Variants in MTMR7 observed in about 807,000 individuals in gnomAD.
The protein encoded by MTMR7 is phosphatidylinositol-3-phosphate phosphatase MTMR7.
A neutral mutation model predicts 81.2 loss-of-function variants in MTMR7; 76 were observed. That is an observed-to-expected ratio of 0.94 (90% confidence interval 0.78 to 1.13). The LOEUF is 1.13. Among genes scored for constraint, MTMR7 ranks in the 50% most tolerant of loss-of-function variants. MTMR7 has a pLI of 0.00. For missense variants in MTMR7, 1,044 were observed against 820.0 expected (o/e 1.27, Z -3.34); for synonymous variants, 372 against 289.8 (o/e 1.28, Z -2.88).
chr8:17,405,891 T>G lies in MTMR7; in HGVS notation c.24+7378A>C, dbSNP rs1821568441. Among the ~76,000 whole-genome samples the G allele has an allele frequency of 2.0e-5, 3 of 147,886 alleles. No homozygotes were observed. In the South Asian group the frequency reaches 6.6e-4, roughly 32 times the overall value. On this transcript the variant is annotated intron_variant, in intron 1 of 13. Transcript: ENST00000180173. ...ACACACACACACACCACAGAGAAAA[T>G]GGACATGATTTTCTTTTAAATTACA...
rs1224192640 is a variant in MTMR7, at chr8:17,297,026, G to A, written c.*2836C>T. 2.0e-5 allele frequency: 3 copies of A among 152,138 alleles called. No homozygotes were observed. Among genetic ancestry groups the A allele is most frequent in the African/African-American group, 7.2e-5 (3 of 41,438 alleles). The allele number at this position is 152,138 out of a possible 1,614,324, so 9.4% of individuals were successfully genotyped here. On this transcript the variant is annotated 3_prime_UTR_variant, in exon 14 of 14. Coordinates refer to ENST00000180173, the MANE Select transcript of MTMR7 (RefSeq NM_004686.5). Reference sequence around the variant, plus strand: ...GAATGTGGGTTCTGTTTTTGCAACAGAGATTAAGTGACCATTTTTTCTAAT... The same window carrying A: ...GAATGTGGGTTCTGTTTTTGCAACAAAGATTAAGTGACCATTTTTTCTAAT...
intron 6 of MTMR7, among the ~76,000 whole-genome samples, chr8:17,337,725 C>T (rs1181976334): frequency 6.6e-6 from 1 of 152,198 alleles, no homozygotes; most frequent in Non-Finnish European, 1.5e-5. Context: ...AAGCAATCCT[C>T]CCACCTCAGC....
Position 17,387,303 on chromosome 8 carries a change from C to A in MTMR7, c.25-14063G>T, listed in dbSNP as rs556186045. Among the ~76,000 whole-genome samples the A allele has an allele frequency of 5.3e-5, 8 of 152,330 alleles. No individual in the cohort carries two copies. The South Asian group carries it at 1.7e-3, about 32-fold the overall frequency. Reference sequence around the variant, plus strand: ...ATATCATCATACTTCAAACTCTGGACAGAGCCAGTTTCAGCCAGGTTACGT... The same window carrying A: ...ATATCATCATACTTCAAACTCTGGAAAGAGCCAGTTTCAGCCAGGTTACGT... On this transcript the variant is annotated intron_variant, in intron 1 of 13. Transcript: ENST00000180173.
At chr8:17,359,139 C>A (rs1007617466) in intron 4 of MTMR7, among the ~76,000 whole-genome samples, 6 of 152,060 alleles carry the variant, frequency 3.9e-5, no homozygotes, top group Non-Finnish European at 5.9e-5. Context: ...CTCAAGCAGT[C>A]CCCTCGCCAT....
chr8:17,401,156 T>C (rs1048020572), intron 1 of MTMR7, among the ~76,000 whole-genome samples: 1 of 152,096 alleles, frequency 6.6e-6, no homozygotes. Context: ...AAAAATGCTA[T>C]GGAGAAAAAT....
intron 5 of MTMR7, among the ~76,000 whole-genome samples, chr8:17,343,593 T>G (rs764070333): frequency 2.6e-5 from 4 of 152,086 alleles, no homozygotes; most frequent in Non-Finnish European, 5.9e-5. Flanking sequence ...ATGAAGCAAT[T>G]TAGGGACAAC....
Position 17,312,312 on chromosome 8 carries a change from C to T in MTMR7, c.976-676G>A, listed in dbSNP as rs566382463. 7.9e-5 allele frequency among the ~76,000 whole-genome samples: 12 copies of T among 152,216 alleles called. No individual in the cohort carries two copies. The South Asian group carries it at 8.3e-4, about 11-fold the overall frequency. On this transcript the variant is annotated intron_variant, in intron 8 of 13. Coordinates refer to ENST00000180173, the MANE Select transcript of MTMR7 (RefSeq NM_004686.5). ...TGTCTCAGCTGGAGGCAGTGGCTCA[C>T]GCATGTAATCCCAGCACTTTGGGAG...
chr8:17,390,191 G>A (rs1455156037), intron 1 of MTMR7, among the ~76,000 whole-genome samples: 1 of 152,222 alleles, frequency 6.6e-6, no homozygotes, highest in East Asian at 1.9e-4. Flanking sequence ...TGGTTCTGCA[G>A]GCTGTACAGG....
At position 17,299,559 on chromosome 8, in the gene MTMR7, A is replaced by G. The variant is rs1183889399; in HGVS notation, c.*303T>C. 3.4e-6 allele frequency: 1 copy of G among 293,048 alleles called. No homozygotes were observed. Among genetic ancestry groups the G allele is most frequent in the African/African-American group, 2.1e-5 (1 of 47,050 alleles). 18.2% of individuals were successfully genotyped at this position (293,048 alleles called of 1,614,324 possible). A position where few individuals can be genotyped will look rare whatever the true frequency, so the allele number is the denominator to read the frequency against. ...AGAGATGCATGCTATGACAAGGAAG[A>G]TAGATACTGATCACTTCAGGTAATG... On this transcript the variant is annotated 3_prime_UTR_variant, in exon 14 of 14. Transcript: ENST00000180173.
intron 4 of MTMR7, among the ~76,000 whole-genome samples, chr8:17,353,518 G>C (rs1399488372): frequency 3.3e-5 from 5 of 152,190 alleles, no homozygotes; most frequent in Admixed American, 1.3e-4. Flanking sequence ...CAAGCTCACA[G>C]AGTTGTAGTC....
rs1256639256 is a variant in MTMR7, at chr8:17,297,437, T to G, written c.*2425A>C. On this transcript the variant is annotated 3_prime_UTR_variant, in exon 14 of 14. Transcript: ENST00000180173. The stretch of plus-strand genomic sequence containing the variant: ...CAGATTCATTTTTAGGAGAAGAAAG[T>G]AAACTAATGTGCTCTTAAAGAATAA... 6.6e-6 allele frequency: 1 copy of G among 151,590 alleles called. No individual in the cohort carries two copies. The highest frequency in any genetic ancestry group is 1.5e-5 in the Non-Finnish European group (1 of 67,700). 9.4% of individuals were successfully genotyped at this position (151,590 alleles called of 1,614,324 possible). A position where few individuals can be genotyped will look rare whatever the true frequency, so the allele number is the denominator to read the frequency against.
In MTMR7 at chr8:17,413,316, C is replaced by G; in HGVS notation, c.-24G>C. ...ATGGCTGGCCCACGTCTGCAGGGTC[C>G]CGGGCGGGCGCGGCCTCACGCACCT... On this transcript the variant is annotated 5_prime_UTR_variant, in exon 1 of 14. Coordinates refer to ENST00000180173, the MANE Select transcript of MTMR7 (RefSeq NM_004686.5). 5 of 1,530,096 alleles carry G rather than the reference C, an allele frequency of 3.3e-6. No homozygotes were observed. The South Asian group carries it at 4.8e-5, about 15-fold the overall frequency. 94.8% of individuals were successfully genotyped at this position (1,530,096 alleles called of 1,614,324 possible). A position where few individuals can be genotyped will look rare whatever the true frequency, so the allele number is the denominator to read the frequency against.
At chr8:17,378,578 T>G (rs1487427489) in intron 1 of MTMR7, among the ~76,000 whole-genome samples, 1 of 152,178 alleles carries the variant, frequency 6.6e-6, no homozygotes, top group East Asian at 1.9e-4. Context: ...AACCAGCTTC[T>G]CAAAACAAAA....
Position 17,361,291 on chromosome 8 carries a change from G to C in MTMR7, c.311-17C>G. On this transcript the variant is annotated splice_polypyrimidine_tract_variant and intron_variant, in intron 3 of 13. Transcript: ENST00000180173. The stretch of plus-strand genomic sequence containing the variant: ...CATATTTCACTGCAAGAAAAGGTAG[G>C]ATAAAGTTAAATCAAGCTTAGTCAA... 14 of 1,613,786 alleles carry C rather than the reference G, an allele frequency of 8.7e-6. No individual in the cohort carries two copies. The highest frequency in any genetic ancestry group is 1.2e-5 in the Non-Finnish European group (14 of 1,179,738).
chr8:17,322,967 T>TTTTTTTTTG (rs1818477811), intron 7 of MTMR7, among the ~76,000 whole-genome samples: 1 of 150,500 alleles, frequency 6.6e-6, no homozygotes, highest in African/African-American at 2.5e-5. Context: ...TTTTTTTTTT[T>TTTTTTTTTG]GAGACAGTCT....
At chr8:17,401,182 A>G (rs1209960960) in intron 1 of MTMR7, among the ~76,000 whole-genome samples, 1 of 152,112 alleles carries the variant, frequency 6.6e-6, no homozygotes, top group African/African-American at 2.4e-5. Context: ...GAGGTAAAGT[A>G]TGTTGGTTGA....
chr8:17,367,096 C>T (rs1228618419), intron 3 of MTMR7, among the ~76,000 whole-genome samples: 1 of 151,984 alleles, frequency 6.6e-6, no homozygotes, highest in Non-Finnish European at 1.5e-5. Flanking sequence ...AAAGAAATTA[C>T]CACTGCAAAG....
chr8:17,304,511 T>C lies in MTMR7; in HGVS notation c.1361A>G (p.Glu454Gly), dbSNP rs1264201826. The C allele has an allele frequency of 7.4e-6, 12 of 1,613,050 alleles. No homozygotes were observed. The Admixed American group carries it at 1.8e-4, about 25-fold the overall frequency. Residue 454 changes from glutamate (E) to glycine (G), a missense_variant, in exon 12 of 14, where the codon GAA becomes GGA. Transcript: ENST00000180173. ...QKERRELKIQ[E>G]RTYSLWAHLW... is the part of the protein sequence containing the mutation. ...GTGAGCCCATAATGAGTATGTTCTT[T>C]CTTGAATCCTGTTATAAAGAAAATA... is the stretch of plus-strand genomic sequence containing the variant.
chr8:17,413,306 C>T lies in MTMR7; in HGVS notation c.-14G>A, dbSNP rs1349052303. On this transcript the variant is annotated 5_prime_UTR_variant, in exon 1 of 14. Transcript: ENST00000180173. ...GATGTGCTCCATGGCTGGCCCACGT[C>T]TGCAGGGTCCCGGGCGGGCGCGGCC... 3 of 1,540,814 alleles carry T rather than the reference C, an allele frequency of 1.9e-6. No individual in the cohort carries two copies. The highest frequency in any genetic ancestry group is 2.6e-6 in the Non-Finnish European group (3 of 1,141,746).
Sources: gnomAD v4.1 joint callset for allele counts (sites outside exome capture counted in the v4.1 genomes callset) on GRCh38, gnomAD v4.1.1 for gene constraint, MANE v1.5 for transcripts, NCBI Gene and HGNC (gene_info 2026-07-23, HGNC 2026-07-21) for gene names.